The following RALGAPA1 variants were observed in gnomAD, a reference collection of about 807,000 sequenced individuals.
The protein encoded by RALGAPA1 is Ral GTPase activating protein catalytic subunit alpha 1, also known as ral GTPase-activating protein subunit alpha-1.
In RALGAPA1, 52 loss-of-function variants were observed where a neutral mutation model predicts 269.6. That is an observed-to-expected ratio of 0.19 (90% CI 0.15 to 0.24). The LOEUF (loss-of-function observed/expected upper bound fraction) is 0.24. Ranked by LOEUF, RALGAPA1 falls within the 10% of genes least tolerant of loss-of-function variation. The pLI, the probability that RALGAPA1 is intolerant of heterozygous loss-of-function variation, is 1.00. For missense variants in RALGAPA1, 1,917 were observed against 3,013.9 expected (o/e 0.64, Z 8.52); for synonymous variants, 817 against 1,008.3 (o/e 0.81, Z 3.60).
At chr14:35,656,393 A>G (rs913514967) in intron 28 of RALGAPA1, among the ~76,000 whole-genome samples, 1 of 152,194 alleles carries the variant, frequency 6.6e-6, no homozygotes, top group African/African-American at 2.4e-5. Context: ...AATTTATGTA[A>G]CTTATTTTAA....
intron 1 of RALGAPA1, 113 bp downstream of exon 1, chr14:35,808,617 C>T: frequency 8.7e-7 from 1 of 1,151,958 alleles, no homozygotes; most frequent in Non-Finnish European, 1.2e-6. Flanking sequence ...GCAGAGGCTA[C>T]GATTTGCCCT....
At chr14:35,600,232 C>CTTT (rs71124708) in intron 36 of RALGAPA1, among the ~76,000 whole-genome samples, 28 of 86,946 alleles carry the variant, frequency 3.2e-4, no homozygotes, top group Middle Eastern at 7.5e-3. Context: ...TTCTTTTTTT[C>CTTT]TTTTTTTTTT....
intron 23 of RALGAPA1, 48 bp downstream of exon 23, chr14:35,674,468 A>T: frequency 4.7e-6 from 7 of 1,503,986 alleles, no homozygotes; most frequent in Non-Finnish European, 5.4e-6. Flanking sequence ...TTCTATTTTT[A>T]AATATTTTTA....
intron 7 of RALGAPA1, among the ~76,000 whole-genome samples, chr14:35,753,107 C>T (rs1051647569): frequency 6.6e-6 from 1 of 152,046 alleles, no homozygotes; most frequent in Non-Finnish European, 1.5e-5. Flanking sequence ...CCAGAGTGGA[C>T]AAGGAAGGTA....
intron 31 of RALGAPA1, among the ~76,000 whole-genome samples, chr14:35,640,700 A>G (rs574342561): frequency 3.9e-5 from 6 of 152,202 alleles, no homozygotes; most frequent in Non-Finnish European, 7.4e-5. Flanking sequence ...CTATTCTGAA[A>G]AACAGAGGAG....
intron 12 of RALGAPA1, among the ~76,000 whole-genome samples, chr14:35,733,605 C>A (rs1430243743): frequency 6.6e-6 from 1 of 151,968 alleles, no homozygotes; most frequent in Non-Finnish European, 1.5e-5. Flanking sequence ...GCCCTAAAAA[C>A]CTACATCAAA....
chr14:35,540,292 TCTC>T (rs749317307), intron 41 of RALGAPA1, among the ~76,000 whole-genome samples: 25 of 152,008 alleles, frequency 1.6e-4, no homozygotes, highest in Non-Finnish European at 2.6e-4. Context: ...GGACAAGAAT[TCTC>T]CTCTGAATGT....
intron 1 of RALGAPA1, among the ~76,000 whole-genome samples, chr14:35,802,360 T>G (rs115822989): frequency 6.6e-6 from 1 of 152,152 alleles, no homozygotes; most frequent in Non-Finnish European, 1.5e-5. Flanking sequence ...TTGTAGGACA[T>G]AAGCTCACTA....
chr14:35,683,648 G>A (rs1421731368), intron 21 of RALGAPA1, 161 bp downstream of exon 21: 1 of 576,568 alleles, frequency 1.7e-6, no homozygotes, highest in Admixed American at 3.4e-5. Flanking sequence ...CTCAGGTCAA[G>A]AAACTAATGT....
At chr14:35,776,760 C>T (rs997453757) in intron 1 of RALGAPA1, among the ~76,000 whole-genome samples, 9 of 152,086 alleles carry the variant, frequency 5.9e-5, no homozygotes, top group African/African-American at 2.2e-4. Flanking sequence ...ATGGAAAGGG[C>T]ATTCAAGGCA....
intron 10 of RALGAPA1, among the ~76,000 whole-genome samples, chr14:35,745,547 C>T (rs1201194946): frequency 6.6e-6 from 1 of 151,430 alleles, no homozygotes; most frequent in African/African-American, 2.4e-5. Context: ...GGGCAGATCA[C>T]GAGGTCAGGA....
intron 39 of RALGAPA1, among the ~76,000 whole-genome samples, chr14:35,569,338 T>A (rs556568861): frequency 6.6e-6 from 1 of 152,350 alleles, no homozygotes; most frequent in East Asian, 1.9e-4. Flanking sequence ...ATGAAAAACA[T>A]AAATTTATTT....
At chr14:35,574,294 A>G (rs768963247) in intron 37 of RALGAPA1, among the ~76,000 whole-genome samples, 6 of 152,204 alleles carry the variant, frequency 3.9e-5, no homozygotes, top group Non-Finnish European at 8.8e-5. Context: ...TCTAGTGCCC[A>G]CTTATCTAAA....
At chr14:35,596,090 C>A (rs1006903146) in intron 36 of RALGAPA1, among the ~76,000 whole-genome samples, 6 of 151,636 alleles carry the variant, frequency 4.0e-5, no homozygotes, top group Non-Finnish European at 8.8e-5. Flanking sequence ...CACACCAAGG[C>A]CAGGGAGAAA....
intron 37 of RALGAPA1, among the ~76,000 whole-genome samples, chr14:35,591,691 C>T (rs551713035): frequency 5.3e-5 from 8 of 152,216 alleles, no homozygotes; most frequent in African/African-American, 1.4e-4. Context: ...GTACTAAGGG[C>T]CTTGAAATAT....
At chr14:35,580,094 C>T (rs1339135982) in intron 37 of RALGAPA1, among the ~76,000 whole-genome samples, 2 of 152,140 alleles carry the variant, frequency 1.3e-5, no homozygotes, top group Non-Finnish European at 2.9e-5. Context: ...AAATGAAACA[C>T]TTTCCATTAC....
intron 1 of RALGAPA1, among the ~76,000 whole-genome samples, chr14:35,785,267 ATG>A (rs892862745): frequency 2.6e-4 from 40 of 152,350 alleles, no homozygotes; most frequent in African/African-American, 9.6e-4. Context: ...AAATTATAAA[ATG>A]TGTTTAATAA....
chr14:35,657,847 A>G (rs2063301148), intron 28 of RALGAPA1, among the ~76,000 whole-genome samples: 2 of 152,108 alleles, frequency 1.3e-5, no homozygotes, highest in Admixed American at 6.6e-5. Context: ...GATTATTGAA[A>G]TTCCCTGGGT....
chr14:35,627,110 T>A lies in RALGAPA1; in HGVS notation c.6837A>T (p.Gly2279=), dbSNP rs2061043738. 6.5e-7 allele frequency: 1 copy of A among 1,538,004 alleles called. No homozygotes were observed. Among genetic ancestry groups the A allele is most frequent in the Non-Finnish European group, 8.7e-7 (1 of 1,150,336 alleles). ...YYCRLLLSIL[G]MNSWDKRRSF... is the part of the protein sequence containing the mutation. ...CTTACCGTTTGTCCCAGGAATTCATTCCCAATATACTAAGAAGCAATCTGC... is the reference window on the plus strand; with the variant it reads ...CTTACCGTTTGTCCCAGGAATTCATACCCAATATACTAAGAAGCAATCTGC... The change falls in exon 34 of 42, where the codon GGA becomes GGT. Residue 2279 remains glycine, a synonymous_variant. Coordinates refer to ENST00000680220, the MANE Select transcript of RALGAPA1 (RefSeq NM_001346249.2).
Sources: gnomAD v4.1 joint callset for allele counts (sites outside exome capture counted in the v4.1 genomes callset) on GRCh38, gnomAD v4.1.1 for gene constraint, MANE v1.5 for transcripts, NCBI Gene and HGNC (gene_info 2026-07-23, HGNC 2026-07-21) for gene names.